The following TEK variants were observed in gnomAD, a reference collection of about 807,000 sequenced individuals.
TEK encodes TEK receptor tyrosine kinase.
TEK carries 43 observed loss-of-function variants against 131.8 expected under a neutral mutation model. The observed-to-expected ratio is 0.33, with a 90% CI of 0.26 to 0.42. The LOEUF is 0.42. Ranked by LOEUF, TEK falls within the 10% of genes least tolerant of loss-of-function variation. The probability of loss-of-function intolerance (pLI) is 1.00; values close to 1 mark genes in which losing one functional copy is unlikely to be tolerated. For missense variants in TEK, 1,162 were observed against 1,384.4 expected, an observed-to-expected ratio of 0.84 and a Z score of 2.55; for synonymous variants, 580 against 491.6, an observed-to-expected ratio of 1.18 and a Z score of -2.38.
chr9:27,224,584 C>T (rs10967779), intron 21 of TEK, among the ~76,000 whole-genome samples: 54,013 of 151,938 alleles, frequency 0.36, 9,844 homozygotes, highest in African/African-American at 0.41. Context: ...GCTCAGTAAA[C>T]TAGGTATTGA....
At chr9:27,195,635 A>G (rs1261963147) in intron 11 of TEK, 1 of 455,866 alleles carries the variant, frequency 2.2e-6, no homozygotes, top group Non-Finnish European at 4.4e-6. Context: ...TCAATTTACT[A>G]TTATTAACTG....
chr9:27,229,297 A>G lies in TEK; in HGVS notation c.*65A>G, dbSNP rs1296001595. 3 of 1,484,438 alleles carry G rather than the reference A, an allele frequency of 2.0e-6. No homozygotes were observed. The African/African-American group carries it at 4.2e-5, about 21-fold the overall frequency. The allele number at this position is 1,484,438 out of a possible 1,614,324, so 92.0% of individuals were successfully genotyped here. A position where few individuals can be genotyped will look rare whatever the true frequency, so the allele number is the denominator to read the frequency against. On this transcript the variant is annotated 3_prime_UTR_variant, in exon 23 of 23. Coordinates refer to ENST00000380036, the MANE Select transcript of TEK (RefSeq NM_000459.5). ...CATGGGAGACCCTTGACACCTGCTG[A>G]GAAAACATGCCTCTGCCAAAGGATG...
intron 1 of TEK, among the ~76,000 whole-genome samples, chr9:27,119,803 C>A (rs1821711181): frequency 6.6e-6 from 1 of 152,036 alleles, no homozygotes; most frequent in South Asian, 2.1e-4. Context: ...TATTTCTTGA[C>A]AATTTTTTTA....
Position 27,219,844 on chromosome 9 carries a change from T to TGAAGCAATGATCATGC in TEK, c.3104-204_3104-189dup, listed in dbSNP as rs1368234861. ...GGAAGCCTGTGGTGGTTCCTTCCCC[T>TGAAGCAATGATCATGC]GAAGCAATGATCATGCTTTGGCATA... is the stretch of plus-strand genomic sequence containing the variant. On this transcript the variant is annotated intron_variant, in intron 20 of 22. Transcript: ENST00000380036. Among the ~76,000 whole-genome samples the TGAAGCAATGATCATGC allele has an allele frequency of 2.7e-5, 4 of 149,516 alleles. No homozygotes were observed. In the East Asian group the frequency reaches 5.9e-4, roughly 22 times the overall value.
At chr9:27,207,873 A>G (rs562170973) in intron 15 of TEK, among the ~76,000 whole-genome samples, 5 of 152,324 alleles carry the variant, frequency 3.3e-5, no homozygotes, top group Non-Finnish European at 5.9e-5. Context: ...TAGAAACAGC[A>G]ATATGTTTCT....
chr9:27,151,218 G>A (rs1426497868), intron 1 of TEK, among the ~76,000 whole-genome samples: 1 of 152,146 alleles, frequency 6.6e-6, no homozygotes, highest in Non-Finnish European at 1.5e-5. Flanking sequence ...ACAAAAGGAA[G>A]ACAGAGAATA....
At chr9:27,149,556 A>C (rs970306136) in intron 1 of TEK, among the ~76,000 whole-genome samples, 6 of 152,132 alleles carry the variant, frequency 3.9e-5, no homozygotes, top group African/African-American at 1.2e-4. Flanking sequence ...TATAATCCTG[A>C]ATTTCTTCCA....
Position 27,179,747 on chromosome 9 carries a change from A to C in TEK, c.902-493A>C, listed in dbSNP as rs553507195. Among the ~76,000 whole-genome samples, 25 of 147,944 alleles carry C rather than the reference A, an allele frequency of 1.7e-4. No individual in the cohort carries two copies. In the South Asian group the frequency reaches 2.3e-3, roughly 14 times the overall value. On this transcript the variant is annotated intron_variant, in intron 6 of 22. Coordinates refer to ENST00000380036, the MANE Select transcript of TEK (RefSeq NM_000459.5). ...GCCAAAGATCTGGGACTTTTCTCTG[A>C]CTCTTTCTGGGTTTTCCCTCTCTCT...
At chr9:27,135,869 T>C (rs1028455311) in intron 1 of TEK, among the ~76,000 whole-genome samples, 2 of 152,148 alleles carry the variant, frequency 1.3e-5, no homozygotes, top group Admixed American at 6.5e-5. Flanking sequence ...GGTGCTAATA[T>C]AAATTCCAAG....
intron 1 of TEK, among the ~76,000 whole-genome samples, chr9:27,139,517 G>T (rs1822640767): frequency 1.3e-5 from 2 of 151,456 alleles, no homozygotes; most frequent in Non-Finnish European, 1.5e-5. Context: ...TTGAGACGGG[G>T]TTTCACCATG....
intron 10 of TEK, among the ~76,000 whole-genome samples, chr9:27,190,951 T>G (rs3818282): frequency 6.6e-6 from 1 of 151,944 alleles, no homozygotes. Context: ...ATATTTCTTT[T>G]TGGATCTCCA....
Position 27,160,652 on chromosome 9 carries a change from T to C in TEK, c.364+2510T>C, listed in dbSNP as rs1231343305. 3.3e-5 allele frequency among the ~76,000 whole-genome samples: 5 copies of C among 152,184 alleles called. No individual in the cohort carries two copies. In the East Asian group the frequency reaches 9.6e-4, roughly 29 times the overall value. Reference sequence around the variant, plus strand: ...ATTTCTTTGAATTTACTAATGGTAGTAATGAAAAGATTTGAAGGCAGCAAA... The same window carrying C: ...ATTTCTTTGAATTTACTAATGGTAGCAATGAAAAGATTTGAAGGCAGCAAA... On this transcript the variant is annotated intron_variant, in intron 2 of 22. Coordinates refer to ENST00000380036, the MANE Select transcript of TEK (RefSeq NM_000459.5).
intron 11 of TEK, chr9:27,195,594 T>C (rs141935584): frequency 1.6e-4 from 74 of 455,442 alleles, no homozygotes; most frequent in African/African-American, 1.3e-3. Flanking sequence ...ATCCTACGTT[T>C]TGGAAGGACT....
At chr9:27,135,909 A>T (rs7042136) in intron 1 of TEK, among the ~76,000 whole-genome samples, 5,292 of 152,286 alleles carry the variant, frequency 0.035, 309 homozygotes, top group African/African-American at 0.12. Context: ...AGTCACTTGC[A>T]TTCCTGCCAA....
At chr9:27,127,434 G>A (rs1367923260) in intron 1 of TEK, among the ~76,000 whole-genome samples, 2 of 152,118 alleles carry the variant, frequency 1.3e-5, no homozygotes, top group Admixed American at 6.6e-5. Context: ...CACAATAAAC[G>A]TGTGTGCATG....
At chr9:27,201,491 A>T (rs1825211890) in intron 12 of TEK, among the ~76,000 whole-genome samples, 3 of 152,144 alleles carry the variant, frequency 2.0e-5, no homozygotes, top group Non-Finnish European at 2.9e-5. Context: ...GTATATTTTT[A>T]TAAAAATATA....
chr9:27,221,851 ACTC>A (rs1826097288), intron 21 of TEK, among the ~76,000 whole-genome samples: 1 of 152,142 alleles, frequency 6.6e-6, no homozygotes, highest in Non-Finnish European at 1.5e-5. Context: ...AAGGATCACA[ACTC>A]CTTGCCAGCA....
chr9:27,212,972 G>C (rs1267722310), intron 17 of TEK, 75 bp downstream of exon 17: 29 of 1,495,518 alleles, frequency 1.9e-5, no homozygotes, highest in Non-Finnish European at 2.6e-5. Flanking sequence ...TATGTTTGTA[G>C]GGTCTGTCAA....
In TEK at chr9:27,157,937, G is replaced by GC; in HGVS notation, c.162dup (p.Ile55HisfsTer8). On this transcript the variant is annotated frameshift_variant, in exon 2 of 23. Transcript: ENST00000380036. LOFTEE classifies it high-confidence loss of function. ...TTGCCTCTGGGTGGCGCCCCCATGA[G>GC]CCCATCACCATAGGAAGGGACTTTG... is the stretch of plus-strand genomic sequence containing the variant. 1 of 1,613,930 alleles carries GC rather than the reference G, an allele frequency of 6.2e-7. No homozygotes were observed.
Sources: gnomAD v4.1 joint callset for allele counts (sites outside exome capture counted in the v4.1 genomes callset) on GRCh38, gnomAD v4.1.1 for gene constraint, MANE v1.5 for transcripts, NCBI Gene and HGNC (gene_info 2026-07-23, HGNC 2026-07-21) for gene names.